Variants in PRKRA observed in about 807,000 individuals in gnomAD.
The protein encoded by PRKRA is protein activator of interferon induced protein kinase EIF2AK2.
PRKRA carries 22 observed loss-of-function variants against 32.4 expected under a neutral mutation model. The observed-to-expected ratio is 0.68, with a 90% CI of 0.49 to 0.97. The LOEUF (loss-of-function observed/expected upper bound fraction) is 0.97, where lower values mean the gene tolerates loss of function less well. Ranked by LOEUF, PRKRA falls within the 50% of genes least tolerant of loss-of-function variation. PRKRA has a pLI of 0.00. For missense variants in PRKRA, 319 were observed against 375.6 expected (o/e 0.85, Z 1.25); for synonymous variants, 139 against 129.8 (o/e 1.07, Z -0.48).
chr2:178,436,703 A>C (rs1373283302), intron 6 of PRKRA, among the ~76,000 whole-genome samples: 1 of 152,138 alleles, frequency 6.6e-6, no homozygotes, highest in Admixed American at 6.5e-5. Flanking sequence ...AACAATTTTC[A>C]TATCTTTGGT....
rs1455652009 is a variant in PRKRA, at chr2:178,443,277, A to T, written c.504T>A (p.Phe168Leu). ...EYTTICRLES[F>L]METGKGASKK... Reference sequence around the variant, plus strand: ...GTAAGAAATAAGTACCAGTTTCCATAAATGACTCTAGCCTGCAAATTGTAG... The same window carrying T: ...GTAAGAAATAAGTACCAGTTTCCATTAATGACTCTAGCCTGCAAATTGTAG... Residue 168 changes from phenylalanine (F) to leucine (L), a missense_variant, in exon 5 of 8, where the codon TTT becomes TTA. By Grantham distance (22) the Phe-to-Leu change is conservative. Coordinates refer to ENST00000325748, the MANE Select transcript of PRKRA (RefSeq NM_003690.5). 6.2e-7 allele frequency: 1 copy of T among 1,600,676 alleles called. No homozygotes were observed. Among genetic ancestry groups the T allele is most frequent in the East Asian group, 2.2e-5 (1 of 44,802 alleles).
Position 178,447,490 on chromosome 2 carries a change from A to T in PRKRA, c.317+15T>A. On this transcript the variant is annotated intron_variant, in intron 3 of 7. Coordinates refer to ENST00000325748, the MANE Select transcript of PRKRA (RefSeq NM_003690.5). Reference sequence around the variant, plus strand: ...GATATTTTTGAGCTGCTGAATACAAAGAAATTTAGCTCACCAAATACTTGC... The same window carrying T: ...GATATTTTTGAGCTGCTGAATACAATGAAATTTAGCTCACCAAATACTTGC... The T allele has an allele frequency of 1.0e-6, 1 of 989,290 alleles. No individual in the cohort carries two copies. Among genetic ancestry groups the T allele is most frequent in the East Asian group, 2.9e-5 (1 of 33,952 alleles). The allele number at this position is 989,290 out of a possible 1,614,324, so 61.3% of individuals were successfully genotyped here.
Position 178,450,967 on chromosome 2 carries a change from T to C in PRKRA, c.64A>G (p.Ser22Gly). ...PLEREDSGTF[S>G]LGKMITAKPG... Reference sequence around the variant, plus strand: ...GGCCCTGACTGCCCGCACGCTGACCTGAAGGTCCCACTGTCCTCGCGCTCC... The same window carrying C: ...GGCCCTGACTGCCCGCACGCTGACCCGAAGGTCCCACTGTCCTCGCGCTCC... Residue 22 changes from serine (S) to glycine (G), a missense_variant and splice_region_variant, in exon 1 of 8, where the codon AGT becomes GGT. Transcript: ENST00000325748. 6.4e-7 allele frequency: 1 copy of C among 1,560,132 alleles called. No homozygotes were observed. Among genetic ancestry groups the C allele is most frequent in the Non-Finnish European group, 8.6e-7 (1 of 1,158,766 alleles).
chr2:178,443,822 G>A (rs1368172453), intron 4 of PRKRA: 4 of 177,480 alleles, frequency 2.3e-5, no homozygotes, highest in Non-Finnish European at 4.8e-5. Flanking sequence ...TGCATAAAGT[G>A]GGGGACAGAA....
chr2:178,451,170 C>G lies in PRKRA; in HGVS notation c.-140G>C, dbSNP rs947095506. The G allele has an allele frequency of 7.1e-6, 7 of 982,152 alleles. No homozygotes were observed. The highest frequency in any genetic ancestry group is 1.0e-5 in the Non-Finnish European group (7 of 686,138). The allele number at this position is 982,152 out of a possible 1,614,324, so 60.8% of individuals were successfully genotyped here. Reference sequence around the variant, plus strand: ...CCGCCTCCTGCTTGCGTTGCTCCAGCGAGGGGGCAGGCAGGGTGGGGGCGG... The same window carrying G: ...CCGCCTCCTGCTTGCGTTGCTCCAGGGAGGGGGCAGGCAGGGTGGGGGCGG... On this transcript the variant is annotated 5_prime_UTR_variant, in exon 1 of 8. Coordinates refer to ENST00000325748, the MANE Select transcript of PRKRA (RefSeq NM_003690.5).
intron 7 of PRKRA, among the ~76,000 whole-genome samples, chr2:178,435,524 G>C (rs1189092832): frequency 6.6e-6 from 1 of 152,024 alleles, no homozygotes; most frequent in African/African-American, 2.4e-5. Flanking sequence ...AAGGGCTAGA[G>C]AAAATACAGA....
chr2:178,438,572 C>T (rs1299800675), intron 6 of PRKRA, among the ~76,000 whole-genome samples: 3 of 152,150 alleles, frequency 2.0e-5, no homozygotes, highest in Non-Finnish European at 4.4e-5. Flanking sequence ...AAGCAGCACA[C>T]CCTTGCTCTC....
At chr2:178,436,070 C>T (rs1696880736) in intron 7 of PRKRA, 75 bp downstream of exon 7, 1 of 1,073,930 alleles carries the variant, frequency 9.3e-7, no homozygotes, top group Non-Finnish European at 1.2e-6. Context: ...TTTTATTCCT[C>T]AAACACATTT....
rs1031489740 is a variant in PRKRA, at chr2:178,450,150, C to T, written c.235+92G>A. ...TTCAGAGCCTGTTCCTCACAGCTGT[C>T]TGGCAAAAAGAGAACTTTTCCGAAC... On this transcript the variant is annotated intron_variant, in intron 2 of 7. Transcript: ENST00000325748. The T allele has an allele frequency of 1.4e-5, 18 of 1,262,866 alleles. No homozygotes were observed. In the African/African-American group the frequency reaches 2.5e-4, roughly 17 times the overall value. The allele number at this position is 1,262,866 out of a possible 1,614,324, so 78.2% of individuals were successfully genotyped here.
chr2:178,444,463 T>C lies in PRKRA; in HGVS notation c.355A>G (p.Lys119Glu), dbSNP rs763319309. 1 of 1,607,584 alleles carries C rather than the reference T, an allele frequency of 6.2e-7. No homozygotes were observed. Among genetic ancestry groups the C allele is most frequent in the Admixed American group, 1.7e-5 (1 of 60,032 alleles). Residue 119 changes from lysine (K) to glutamate (E), a missense_variant, in exon 4 of 8, where the codon AAG becomes GAG. Physicochemically the swap from Lys to Glu is moderately conservative, Grantham distance 56. Transcript: ENST00000325748. ...GGATTAAGCTGGTTCTTTGGTTGCT[T>C]GGAAGGGTCAGGCATTAAGGGGTCA... ...VPDPLMPDPS[K>E]QPKNQLNPIG...
intron 4 of PRKRA, chr2:178,443,748 A>C: frequency 4.4e-6 from 1 of 228,500 alleles, no homozygotes; most frequent in South Asian, 6.2e-5. Flanking sequence ...CCTCCTAGCT[A>C]TAGACTTCCA....
chr2:178,436,276 A>C lies in PRKRA; in HGVS notation c.653T>G (p.Leu218Trp). 1 of 1,613,964 alleles carries C rather than the reference A, an allele frequency of 6.2e-7. No individual in the cohort carries two copies. Among genetic ancestry groups the C allele is most frequent in the Non-Finnish European group, 8.5e-7 (1 of 1,179,890 alleles). ...GATCTTTTCACCAGGAGAATTCCTCAAGGAATGCCAAGTACATCCTAAAGA... is the reference window on the plus strand; with the variant it reads ...GATCTTTTCACCAGGAGAATTCCTCCAGGAATGCCAAGTACATCCTAAAGA... The part of the protein sequence containing the change: ...GHSLGCTWHS[L>W]RNSPGEKINL... Residue 218 changes from leucine (L) to tryptophan (W), a missense_variant, in exon 7 of 8, where the codon TTG (leucine) becomes TGG (tryptophan). Coordinates refer to ENST00000325748, the MANE Select transcript of PRKRA (RefSeq NM_003690.5).
At chr2:178,450,929 CT>C (rs1697597870) in intron 1 of PRKRA, 36 bp downstream of exon 1, 2 of 960,754 alleles carry the variant, frequency 2.1e-6, no homozygotes. Flanking sequence ...CCGCCCAACG[CT>C]CCCGGCCCTG....
intron 2 of PRKRA, among the ~76,000 whole-genome samples, chr2:178,448,650 G>A (rs1697410209): frequency 6.6e-6 from 1 of 152,132 alleles, no homozygotes; most frequent in Admixed American, 6.5e-5. Flanking sequence ...AAGACTAGAA[G>A]GTAAACGTGT....
At chr2:178,450,729 C>G in intron 1 of PRKRA, 3 of 1,366,094 alleles carry the variant, frequency 2.2e-6, no homozygotes, top group Non-Finnish European at 2.8e-6. Flanking sequence ...CCGGGCGCGC[C>G]GACCGAGCGT....
intron 2 of PRKRA, among the ~76,000 whole-genome samples, 158 bp from the exon 3 acceptor site, chr2:178,447,744 CAT>C (rs769041556): frequency 1.1e-4 from 16 of 152,138 alleles, no homozygotes; most frequent in African/African-American, 1.7e-4. Flanking sequence ...AAAATATGTA[CAT>C]GTTATATACT....
At chr2:178,434,417 CTCTTT>C (rs1211927220) in intron 7 of PRKRA, among the ~76,000 whole-genome samples, 53 of 151,330 alleles carry the variant, frequency 3.5e-4, no homozygotes, top group South Asian at 1.5e-3. Flanking sequence ...GGCCTCCAGC[CTCTTT>C]TCTTTTTTTT....
intron 6 of PRKRA, among the ~76,000 whole-genome samples, chr2:178,438,694 TC>T (rs1697000237): frequency 1.3e-5 from 2 of 151,452 alleles, no homozygotes; most frequent in East Asian, 1.9e-4. Flanking sequence ...TTTTTTTTTT[TC>T]GAGTTGGGGT....
At chr2:178,438,681 G>GTTTT (rs1175221285) in intron 6 of PRKRA, among the ~76,000 whole-genome samples, 1 of 143,630 alleles carries the variant, frequency 7.0e-6, no homozygotes, top group African/African-American at 2.5e-5. Context: ...ACGCTGGTAG[G>GTTTT]TTTTTTTTTT....
Sources: allele counts gnomAD v4.1 joint callset (sites outside exome capture counted in the v4.1 genomes callset), GRCh38; gene constraint gnomAD v4.1.1; transcripts MANE v1.5; gene names NCBI Gene and HGNC (gene_info 2026-07-23, HGNC 2026-07-21).